C9orf153: variants seen among roughly 807,000 people sequenced by gnomAD.
The protein encoded by C9orf153 is chromosome 9 open reading frame 153, also known as uncharacterized protein C9orf153.
Under a neutral mutation model 9.0 loss-of-function variants are expected in C9orf153, and 10 were observed. That is an observed-to-expected ratio of 1.11 (90% CI 0.69 to 1.89). The LOEUF (loss-of-function observed/expected upper bound fraction) is 1.89, where lower values mean the gene tolerates loss of function less well. C9orf153 is among the 40% of genes most tolerant of loss of function. The probability of loss-of-function intolerance (pLI) is 0.00; values close to 1 mark genes in which losing one functional copy is unlikely to be tolerated. For missense variants in C9orf153, 108 were observed against 111.0 expected, an observed-to-expected ratio of 0.97 and a Z score of 0.12; for synonymous variants, 35 against 37.3, an observed-to-expected ratio of 0.94 and a Z score of 0.23.
chr9:86,240,644 G>A (rs1457649931), intron 1 of C9orf153, among the ~76,000 whole-genome samples: 1 of 150,698 alleles, frequency 6.6e-6, no homozygotes, highest in African/African-American at 2.4e-5. Context: ...TCCCAAAGTG[G>A]TGGGATTACA....
intron 1 of C9orf153, among the ~76,000 whole-genome samples, chr9:86,256,948 C>T (rs1248461385): frequency 1.3e-5 from 2 of 152,056 alleles, no homozygotes; most frequent in African/African-American, 4.8e-5. Context: ...CACTTGAGTA[C>T]AGGAGTTCAA....
intron 1 of C9orf153, among the ~76,000 whole-genome samples, chr9:86,255,075 AAGAG>A (rs398068748): frequency 1.2e-3 from 175 of 151,752 alleles, no homozygotes; most frequent in African/African-American, 3.9e-3. Flanking sequence ...AAAAAAAAAA[AAGAG>A]AGAGAAAAAG....
chr9:86,233,019 C>T (rs1824505261), intron 1 of C9orf153, among the ~76,000 whole-genome samples: 1 of 152,276 alleles, frequency 6.6e-6, no homozygotes, highest in Non-Finnish European at 1.5e-5. Context: ...AAGCGTGCAC[C>T]ATTGCGCCCG....
At chr9:86,246,506 G>T (rs562314310) in intron 1 of C9orf153, among the ~76,000 whole-genome samples, 1 of 152,020 alleles carries the variant, frequency 6.6e-6, no homozygotes, top group African/African-American at 2.4e-5. Flanking sequence ...GAAGACCCTC[G>T]GGGCCGCAAG....
At chr9:86,249,411 CATT>C (rs1383221919) in intron 1 of C9orf153, among the ~76,000 whole-genome samples, 1 of 152,174 alleles carries the variant, frequency 6.6e-6, no homozygotes, top group African/African-American at 2.4e-5. Flanking sequence ...GAGAACAAAG[CATT>C]GTTGTGTCTT....
At chr9:86,225,731 C>T (rs1275873521) in intron 3 of C9orf153, among the ~76,000 whole-genome samples, 2 of 152,150 alleles carry the variant, frequency 1.3e-5, no homozygotes, top group Admixed American at 6.5e-5. Context: ...GTGATCCACC[C>T]GCCTTGGCCT....
intron 1 of C9orf153, among the ~76,000 whole-genome samples, chr9:86,248,114 T>C (rs1824909265): frequency 6.6e-6 from 1 of 152,114 alleles, no homozygotes; most frequent in Non-Finnish European, 1.5e-5. Flanking sequence ...ACTTTATTTA[T>C]TTTTTCTACT....
intron 1 of C9orf153, among the ~76,000 whole-genome samples, chr9:86,231,570 A>AACAC: frequency 7.0e-6 from 1 of 142,878 alleles, no homozygotes; most frequent in East Asian, 2.0e-4. Context: ...CACACACAAA[A>AACAC]ACACACACAC....
intron 1 of C9orf153, among the ~76,000 whole-genome samples, chr9:86,247,677 CTAAA>C (rs1302323297): frequency 6.6e-6 from 1 of 152,116 alleles, no homozygotes; most frequent in Non-Finnish European, 1.5e-5. Context: ...GAGACCCTTT[CTAAA>C]TAAATAAATA....
chr9:86,240,861 G>A (rs1370696596), intron 1 of C9orf153, among the ~76,000 whole-genome samples: 1 of 150,106 alleles, frequency 6.7e-6, no homozygotes, highest in Non-Finnish European at 1.5e-5. Context: ...GATGTGCACC[G>A]CCACTCCTGG....
intron 1 of C9orf153, among the ~76,000 whole-genome samples, chr9:86,246,928 C>G (rs537976676): frequency 1.3e-5 from 2 of 152,344 alleles, no homozygotes; most frequent in South Asian, 4.1e-4. Context: ...AAAGGGAAAG[C>G]AATGTTTCCC....
intron 1 of C9orf153, among the ~76,000 whole-genome samples, chr9:86,231,643 A>ATACATGTATG (rs1824473665): frequency 6.6e-6 from 1 of 151,934 alleles, no homozygotes; most frequent in African/African-American, 2.4e-5. Flanking sequence ...ATATACATAT[A>ATACATGTATG]TATATAAAAT....
At chr9:86,243,082 T>C (rs1444940788) in intron 1 of C9orf153, among the ~76,000 whole-genome samples, 1 of 152,224 alleles carries the variant, frequency 6.6e-6, no homozygotes, top group Non-Finnish European at 1.5e-5. Flanking sequence ...ATTTGTTTTT[T>C]ACAGAAAGCA....
intron 1 of C9orf153, among the ~76,000 whole-genome samples, chr9:86,246,466 G>A (rs1448524926): frequency 3.3e-5 from 5 of 152,044 alleles, no homozygotes; most frequent in Non-Finnish European, 5.9e-5. Flanking sequence ...GACAAGCAGA[G>A]CAGGCTATAT....
intron 3 of C9orf153, among the ~76,000 whole-genome samples, chr9:86,224,940 C>CAA (rs35723282): frequency 0.012 from 854 of 73,532 alleles, 38 homozygotes; most frequent in African/African-American, 0.035. Flanking sequence ...GACTCCGTCT[C>CAA]AAAAAAAAAA....
At chr9:86,248,202 C>T (rs181944358) in intron 1 of C9orf153, among the ~76,000 whole-genome samples, 43 of 151,204 alleles carry the variant, frequency 2.8e-4, no homozygotes, top group African/African-American at 8.5e-4. Context: ...GGTGAGATCT[C>T]GGCTCACTGC....
intron 1 of C9orf153, among the ~76,000 whole-genome samples, chr9:86,231,608 TA>T (rs2131180558): frequency 6.6e-6 from 1 of 151,946 alleles, no homozygotes; most frequent in East Asian, 1.9e-4. Flanking sequence ...GATATATATA[TA>T]TATATACATG....
chr9:86,235,412 G>A (rs1824559661), intron 1 of C9orf153, among the ~76,000 whole-genome samples: 1 of 152,182 alleles, frequency 6.6e-6, no homozygotes, highest in Admixed American at 6.6e-5. Flanking sequence ...GCTGAGGACA[G>A]AATGTCCGAG....
intron 1 of C9orf153, among the ~76,000 whole-genome samples, chr9:86,247,729 G>A (rs1824901003): frequency 6.6e-6 from 1 of 151,940 alleles, no homozygotes; most frequent in Non-Finnish European, 1.5e-5. Flanking sequence ...TATCCCAAAT[G>A]TTCCTTTTCA....
Sources: gnomAD v4.1 joint callset for allele counts (sites outside exome capture counted in the v4.1 genomes callset) on GRCh38, gnomAD v4.1.1 for gene constraint, MANE v1.5 for transcripts, NCBI Gene and HGNC (gene_info 2026-07-23, HGNC 2026-07-21) for gene names.